GALNT18: variants seen among roughly 807,000 people sequenced by gnomAD.
The protein encoded by GALNT18 is polypeptide N-acetylgalactosaminyltransferase 18.
In GALNT18, 44 loss-of-function variants were observed where a neutral mutation model predicts 69.5. The ratio of observed to expected loss-of-function variants is 0.63; its 90% CI spans 0.50 to 0.81. The LOEUF (loss-of-function observed/expected upper bound fraction) is 0.81. Ranked by LOEUF, GALNT18 falls within the 40% of genes least tolerant of loss-of-function variation. The pLI, the probability that GALNT18 is intolerant of heterozygous loss-of-function variation, is 0.00. For synonymous variants in GALNT18, 364 were observed against 318.2 expected (o/e 1.14, Z -1.53); for missense variants, 715 against 810.0 (o/e 0.88, Z 1.42).
intron 3 of GALNT18, among the ~76,000 whole-genome samples, chr11:11,401,174 G>C (rs1854459263): frequency 6.6e-6 from 1 of 152,130 alleles, no homozygotes; most frequent in Non-Finnish European, 1.5e-5. Flanking sequence ...TCAGGAAAAA[G>C]GATGCTTCTG....
At chr11:11,565,449 G>C (rs891270101) in intron 1 of GALNT18, among the ~76,000 whole-genome samples, 1 of 152,166 alleles carries the variant, frequency 6.6e-6, no homozygotes, top group African/African-American at 2.4e-5. Flanking sequence ...TCTCATTTTG[G>C]TTCCTGCATT....
chr11:11,324,619 T>C (rs1040630490), intron 9 of GALNT18, among the ~76,000 whole-genome samples: 1 of 152,046 alleles, frequency 6.6e-6, no homozygotes, highest in Non-Finnish European at 1.5e-5. Flanking sequence ...TAAGGTGGTA[T>C]CTCATTGTTG....
intron 9 of GALNT18, among the ~76,000 whole-genome samples, chr11:11,299,980 C>T (rs1488445786): frequency 1.3e-5 from 2 of 152,194 alleles, no homozygotes; most frequent in African/African-American, 4.8e-5. Context: ...GGAGCCCTCA[C>T]CAAGCTAAAC....
rs928733015 is a variant in GALNT18 at position 11,511,021 on chromosome 11, C to T, written c.236-62085G>A. On this transcript the variant is annotated intron_variant, in intron 1 of 10. Coordinates refer to ENST00000227756, the MANE Select transcript of GALNT18 (RefSeq NM_198516.3). The surrounding 1 kb of genome is among the most constrained non-coding windows in gnomAD (Gnocchi z 4.9). ...CCGGCACTCTTTCCTCTCGGCGGGGCGTGCAGCTGGTACCGCCTTCCACTT... is the reference window on the plus strand; with the variant it reads ...CCGGCACTCTTTCCTCTCGGCGGGGTGTGCAGCTGGTACCGCCTTCCACTT... Among the ~76,000 whole-genome samples the T allele has an allele frequency of 1.6e-4, 25 of 152,044 alleles. No homozygotes were observed. Among genetic ancestry groups the T allele is most frequent in the African/African-American group, 5.6e-4 (23 of 41,390 alleles).
At chr11:11,488,648 G>C (rs1294731227) in intron 1 of GALNT18, among the ~76,000 whole-genome samples, 1 of 152,130 alleles carries the variant, frequency 6.6e-6, no homozygotes, top group Non-Finnish European at 1.5e-5. Context: ...TTCTGTATTT[G>C]GTTCCAAATC....
chr11:11,331,593 T>C (rs1850017220), intron 8 of GALNT18, among the ~76,000 whole-genome samples: 2 of 152,144 alleles, frequency 1.3e-5, no homozygotes, highest in African/African-American at 4.8e-5. Flanking sequence ...TCCTTCAAGT[T>C]TTCATCTTGA....
rs535417237 is a variant in GALNT18 at position 11,597,817 on chromosome 11, C to G, written c.235+23542G>C. On this transcript the variant is annotated intron_variant, in intron 1 of 10. Coordinates refer to ENST00000227756, the MANE Select transcript of GALNT18 (RefSeq NM_198516.3). ...CTGGGACTACAGGCGCCTGCCACCA[C>G]GCCCGGCTAATTTTTTGTATTTTTA... 1.3e-3 allele frequency among the ~76,000 whole-genome samples: 198 copies of G among 152,016 alleles called. 2 individuals are homozygous for G. The highest frequency in any genetic ancestry group is 4.6e-3 in the African/African-American group (190 of 41,474).
At chr11:11,366,166 A>C (rs12794600) in intron 6 of GALNT18, among the ~76,000 whole-genome samples, 36,766 of 152,100 alleles carry the variant, frequency 0.24, 5,045 homozygotes, top group Middle Eastern at 0.33. Flanking sequence ...TTTCTGAATC[A>C]GCTTCTTTGA....
In GALNT18 at chr11:11,444,958, T is replaced by C. The variant is rs1378772737; in HGVS notation, c.428+3786A>G. Among the ~76,000 whole-genome samples the C allele has an allele frequency of 1.3e-5, 2 of 152,260 alleles. No individual in the cohort carries two copies. The highest frequency in any genetic ancestry group is 1.9e-4 in the East Asian group (1 of 5,172). ...CTTCCTCTCCACATGCTGACCCACA[T>C]CCTCTCAGTCCAAATCCCAACATTA... On this transcript the variant is annotated intron_variant, in intron 2 of 10. Coordinates refer to ENST00000227756, the MANE Select transcript of GALNT18 (RefSeq NM_198516.3). The surrounding 1 kb of genome is among the most constrained non-coding windows in gnomAD (Gnocchi z 4.4).
chr11:11,332,683 C>A lies in GALNT18; in HGVS notation c.1416+11G>T, dbSNP rs376608967. 6.8e-6 allele frequency: 11 copies of A among 1,613,806 alleles called. No individual in the cohort carries two copies. In the African/African-American group the frequency reaches 1.2e-4, roughly 18 times the overall value. On this transcript the variant is annotated intron_variant, in intron 8 of 10. Coordinates refer to ENST00000227756, the MANE Select transcript of GALNT18 (RefSeq NM_198516.3). The surrounding 1 kb of genome is among the most constrained non-coding windows in gnomAD (Gnocchi z 4.3). ...TGTCTGAATGAAACCCGGAGGAGGC[C>A]AGCTCCTTACCACTCCATAGGCAAT... is the stretch of plus-strand genomic sequence containing the variant.
chr11:11,368,701 T>A (rs1850828349), intron 6 of GALNT18, among the ~76,000 whole-genome samples: 1 of 152,162 alleles, frequency 6.6e-6, no homozygotes, highest in Non-Finnish European at 1.5e-5. Context: ...CTACTATGAC[T>A]GATTATTTTT....
intron 9 of GALNT18, among the ~76,000 whole-genome samples, chr11:11,294,469 C>T (rs1306717045): frequency 6.6e-6 from 1 of 152,090 alleles, no homozygotes; most frequent in Admixed American, 6.5e-5. Context: ...AATCCTGAGA[C>T]CCAGGCTCTT....
rs1204083674 is a variant in GALNT18, at chr11:11,603,764, G to A, written c.235+17595C>T. Among the ~76,000 whole-genome samples, 1 of 152,196 alleles carries A rather than the reference G, an allele frequency of 6.6e-6. No homozygotes were observed. The highest frequency in any genetic ancestry group is 1.5e-5 in the Non-Finnish European group (1 of 68,028). On this transcript the variant is annotated intron_variant, in intron 1 of 10. Transcript: ENST00000227756. The surrounding 1 kb of genome is among the most constrained non-coding windows in gnomAD (Gnocchi z 4.5). Reference sequence around the variant, plus strand: ...ACTAAGGTCTCCCAAGAGGGGAAAAGGGGGACAGAAATTACTGAAATCAGA... The same window carrying A: ...ACTAAGGTCTCCCAAGAGGGGAAAAAGGGGACAGAAATTACTGAAATCAGA...
At chr11:11,571,367 G>C (rs1320689272) in intron 1 of GALNT18, among the ~76,000 whole-genome samples, 1 of 152,192 alleles carries the variant, frequency 6.6e-6, no homozygotes, top group Non-Finnish European at 1.5e-5. Context: ...TCTGCAATAG[G>C]TGTCTCAGCA....
chr11:11,485,667 G>A (rs546592990), intron 1 of GALNT18, among the ~76,000 whole-genome samples: 2 of 152,280 alleles, frequency 1.3e-5, no homozygotes, highest in East Asian at 1.9e-4. Context: ...CCCAGGACCA[G>A]GGCACCAACT....
intron 3 of GALNT18, among the ~76,000 whole-genome samples, chr11:11,408,843 G>C (rs943094624): frequency 1.1e-4 from 16 of 152,186 alleles, no homozygotes; most frequent in African/African-American, 3.9e-4. Flanking sequence ...CAGGGTCAGA[G>C]CAGTGCTCTG....
chr11:11,580,653 C>A (rs1380149058), intron 1 of GALNT18, among the ~76,000 whole-genome samples: 1 of 152,260 alleles, frequency 6.6e-6, no homozygotes, highest in Admixed American at 6.5e-5. Context: ...CCAATCTGAA[C>A]AGATGTTGGT....
intron 1 of GALNT18, among the ~76,000 whole-genome samples, chr11:11,574,682 C>G (rs1424557434): frequency 6.6e-6 from 1 of 152,178 alleles, no homozygotes; most frequent in Admixed American, 6.5e-5. Context: ...AAAAGACACT[C>G]TGGGTGCAGG....
intron 1 of GALNT18, among the ~76,000 whole-genome samples, chr11:11,544,538 C>T (rs1858002103): frequency 6.6e-6 from 1 of 152,208 alleles, no homozygotes; most frequent in South Asian, 2.1e-4. Flanking sequence ...AAAAAGTGAA[C>T]AGTCAAGCAT....
Sources: gnomAD v4.1 joint callset for allele counts (sites outside exome capture counted in the v4.1 genomes callset) on GRCh38, gnomAD v4.1.1 for gene constraint, Gnocchi (gnomAD v3.1) non-coding constraint, MANE v1.5 for transcripts, NCBI Gene and HGNC (gene_info 2026-07-23, HGNC 2026-07-21) for gene names.